The following ZRANB3 variants were observed in gnomAD, a reference collection of about 807,000 sequenced individuals.
The protein encoded by ZRANB3 is zinc finger RANBP2-type containing 3.
In ZRANB3, 125 loss-of-function variants were observed where a neutral mutation model predicts 133.8. The observed-to-expected ratio is 0.93, with a 90% CI of 0.81 to 1.08. ZRANB3 has a LOEUF of 1.08. ZRANB3 is among the 50% of genes least tolerant of loss of function. The pLI is 0.00. For missense variants in ZRANB3, 1,229 were observed against 1,275.5 expected (o/e 0.96, Z 0.56); for synonymous variants, 387 against 432.7 (o/e 0.89, Z 1.31).
chr2:135,520,112 G>A (rs970166879), intron 1 of ZRANB3, among the ~76,000 whole-genome samples: 17 of 149,444 alleles, frequency 1.1e-4, no homozygotes, highest in Non-Finnish European at 1.6e-4. Flanking sequence ...GGTCAGGCAC[G>A]GTGGCTCATG....
intron 3 of ZRANB3, among the ~76,000 whole-genome samples, chr2:135,375,511 C>T (rs1686381589): frequency 6.6e-6 from 1 of 152,092 alleles, no homozygotes. Context: ...TGGTGAAACC[C>T]CGTCTCTACT....
At chr2:135,485,668 G>A (rs1389968839) in intron 2 of ZRANB3, among the ~76,000 whole-genome samples, 2 of 152,156 alleles carry the variant, frequency 1.3e-5, no homozygotes, top group Admixed American at 6.5e-5. Flanking sequence ...TCCAGATCAC[G>A]TCAACAAAGC....
chr2:135,468,098 A>G (rs1691078455), intron 2 of ZRANB3, among the ~76,000 whole-genome samples: 1 of 152,198 alleles, frequency 6.6e-6, no homozygotes, highest in Non-Finnish European at 1.5e-5. Flanking sequence ...ATCATTTATT[A>G]GTGACACCTT....
intron 3 of ZRANB3, among the ~76,000 whole-genome samples, chr2:135,380,961 GA>G (rs1287898137): frequency 6.6e-6 from 1 of 152,162 alleles, no homozygotes. Context: ...ATTTCCAACT[GA>G]GGTACTGGGT....
At chr2:135,458,677 G>A (rs577079869) in intron 2 of ZRANB3, among the ~76,000 whole-genome samples, 2 of 152,038 alleles carry the variant, frequency 1.3e-5, no homozygotes, top group African/African-American at 4.8e-5. Flanking sequence ...GATCTAAGTC[G>A]GGGGAAGAAA....
chr2:135,329,388 T>C (rs1684021698), intron 6 of ZRANB3, among the ~76,000 whole-genome samples: 1 of 152,164 alleles, frequency 6.6e-6, no homozygotes, highest in Non-Finnish European at 1.5e-5. Flanking sequence ...GTGTTATTTC[T>C]GAGGCCTCTG....
At chr2:135,522,531 A>T (rs1349149450) in intron 1 of ZRANB3, among the ~76,000 whole-genome samples, 1 of 152,082 alleles carries the variant, frequency 6.6e-6, no homozygotes, top group Admixed American at 6.6e-5. Context: ...CAGGCAAGGT[A>T]GCTCACGCCT....
chr2:135,480,697 C>T (rs1398163528), intron 2 of ZRANB3, among the ~76,000 whole-genome samples: 1 of 150,614 alleles, frequency 6.6e-6, no homozygotes, highest in Admixed American at 6.6e-5. Flanking sequence ...ATGTGCCATG[C>T]TGTTGTGCTG....
chr2:135,281,250 G>A (rs1024112041), intron 8 of ZRANB3, among the ~76,000 whole-genome samples: 8 of 152,170 alleles, frequency 5.3e-5, no homozygotes, highest in African/African-American at 1.9e-4. Flanking sequence ...TTGCAGCTAA[G>A]AGAGTGTGAG....
chr2:135,215,580 G>C (rs1399254405), intron 17 of ZRANB3, among the ~76,000 whole-genome samples: 3 of 152,184 alleles, frequency 2.0e-5, no homozygotes, highest in East Asian at 3.8e-4. Flanking sequence ...GAATTTGAAT[G>C]ACTTCAGATG....
intron 12 of ZRANB3, among the ~76,000 whole-genome samples, chr2:135,261,989 G>A (rs1423576462): frequency 2.6e-5 from 4 of 151,744 alleles, no homozygotes; most frequent in Admixed American, 6.6e-5. Flanking sequence ...GTGAAACCCC[G>A]TCTTTAATAA....
At chr2:135,466,680 ATT>A (rs34605710) in intron 2 of ZRANB3, among the ~76,000 whole-genome samples, 4 of 142,766 alleles carry the variant, frequency 2.8e-5, no homozygotes, top group Non-Finnish European at 6.2e-5. Context: ...ATTTGTGTTG[ATT>A]TTTTTTTTTT....
chr2:135,317,332 T>C (rs1191443149), intron 6 of ZRANB3, among the ~76,000 whole-genome samples: 3 of 152,178 alleles, frequency 2.0e-5, no homozygotes, highest in African/African-American at 7.2e-5. Flanking sequence ...AGGTATACTT[T>C]GATCACACGG....
At chr2:135,448,584 A>G (rs998086969) in intron 2 of ZRANB3, among the ~76,000 whole-genome samples, 3 of 152,180 alleles carry the variant, frequency 2.0e-5, no homozygotes, top group African/African-American at 4.8e-5. Context: ...AACACATATG[A>G]GTGGGCAAAT....
rs58917764 is a variant in ZRANB3, at chr2:135,230,616, G to A, written c.1851C>T (p.Thr617=). ...GCCAGCCCTCTACAGGAAAGGCTGG[G>A]GTGGTTAACTGGGCCTTGGCCTCCT... ...SVQEAKAQLT[T]PAFPVEGWQC... The change falls in exon 13 of 21, where the codon ACC becomes ACT. Residue 617 remains threonine (T), a synonymous_variant. Coordinates refer to ENST00000264159, the MANE Select transcript of ZRANB3 (RefSeq NM_032143.4). 148,924 of 1,612,474 alleles carry A rather than the reference G, an allele frequency of 0.092. 10,456 individuals carry two copies. Among genetic ancestry groups the A allele is most frequent in the South Asian group, 0.28 (25,766 of 90,530 alleles).
chr2:135,341,216 G>GA (rs1684644705), intron 6 of ZRANB3, among the ~76,000 whole-genome samples: 1 of 149,660 alleles, frequency 6.7e-6, no homozygotes, highest in African/African-American at 2.6e-5. Flanking sequence ...TTTTAGTAGA[G>GA]ACGGGGTTTC....
At chr2:135,505,816 A>G (rs1391506323) in intron 1 of ZRANB3, among the ~76,000 whole-genome samples, 1 of 152,204 alleles carries the variant, frequency 6.6e-6, no homozygotes, top group East Asian at 1.9e-4. Flanking sequence ...ATAAATAAAT[A>G]TGACGGTTTT....
chr2:135,516,932 TCA>T (rs1296949856), intron 1 of ZRANB3, among the ~76,000 whole-genome samples: 1 of 152,148 alleles, frequency 6.6e-6, no homozygotes, highest in Non-Finnish European at 1.5e-5. Flanking sequence ...TTTGGTCTTT[TCA>T]CATAGTCCCA....
rs892460322 is a variant in ZRANB3, at chr2:135,368,284, T to G, written c.181-14656A>C. Among the ~76,000 whole-genome samples, 6 of 151,998 alleles carry G rather than the reference T, an allele frequency of 3.9e-5. No homozygotes were observed. The East Asian group carries it at 1.2e-3, about 29-fold the overall frequency. On this transcript the variant is annotated intron_variant, in intron 3 of 20. Coordinates refer to ENST00000264159, the MANE Select transcript of ZRANB3 (RefSeq NM_032143.4). ...TCTTCCTAAGAAAAAAATTTCAAATTGGGTTAAGAGTCAAAATAAATGTTA... is the reference window on the plus strand; with the variant it reads ...TCTTCCTAAGAAAAAAATTTCAAATGGGGTTAAGAGTCAAAATAAATGTTA...
Sources: gnomAD v4.1 joint callset for allele counts (sites outside exome capture counted in the v4.1 genomes callset) on GRCh38, gnomAD v4.1.1 for gene constraint, MANE v1.5 for transcripts, NCBI Gene and HGNC (gene_info 2026-07-23, HGNC 2026-07-21) for gene names.